The following GPHN variants were observed in gnomAD, a reference collection of about 807,000 sequenced individuals.
The protein encoded by GPHN is gephyrin.
In GPHN, 17 loss-of-function variants were observed where a neutral mutation model predicts 95.5. That is an observed-to-expected ratio of 0.18 (90% CI 0.12 to 0.27). GPHN has a LOEUF of 0.27. GPHN is among the 10% of genes least tolerant of loss of function. GPHN has a pLI of 1.00. For synonymous variants in GPHN, 320 were observed against 322.5 expected (o/e 0.99, Z 0.08); for missense variants, 660 against 978.1 (o/e 0.67, Z 4.34).
chr14:67,156,657 T>G (rs936960071), intron 18 of GPHN, among the ~76,000 whole-genome samples: 17 of 151,806 alleles, frequency 1.1e-4, no homozygotes, highest in African/African-American at 4.1e-4. Flanking sequence ...ACAGTGATAG[T>G]TTTAAACCCA....
chr14:67,595,922 C>T, the GPHN span, among the ~76,000 whole-genome samples: 1 of 152,162 alleles, frequency 6.6e-6, no homozygotes, highest in Non-Finnish European at 1.5e-5. Flanking sequence ...ATAAAAGGTC[C>T]TTATCTCTTA....
the GPHN span, among the ~76,000 whole-genome samples, chr14:67,475,482 G>T: frequency 2.0e-4 from 30 of 152,210 alleles, 1 homozygote; most frequent in Middle Eastern, 3.4e-3. Flanking sequence ...TTCCACAGTG[G>T]CCACACCATT....
intron 10 of GPHN, among the ~76,000 whole-genome samples, chr14:67,057,409 G>GC (rs1004135175): frequency 8.8e-5 from 13 of 147,336 alleles, no homozygotes; most frequent in African/African-American, 2.9e-4. Context: ...TGGGCACATG[G>GC]GTGGGGGGGG....
chr14:67,298,462 C>T, the GPHN span, among the ~76,000 whole-genome samples: 2 of 151,206 alleles, frequency 1.3e-5, no homozygotes, highest in African/African-American at 4.9e-5. Flanking sequence ...TTGCAGTGAG[C>T]CAAGATCATG....
At chr14:67,456,648 C>T in the GPHN span, among the ~76,000 whole-genome samples, 2 of 151,668 alleles carry the variant, frequency 1.3e-5, no homozygotes, top group South Asian at 2.1e-4. Context: ...TGCAAGGCTG[C>T]GGGAAGAGGA....
At chr14:66,783,480 C>A (rs546643991) in intron 3 of GPHN, among the ~76,000 whole-genome samples, 1 of 152,252 alleles carries the variant, frequency 6.6e-6, no homozygotes, top group South Asian at 2.1e-4. Flanking sequence ...AGCCTCCATC[C>A]CCATTCAGTA....
intron 8 of GPHN, among the ~76,000 whole-genome samples, chr14:66,946,379 A>G (rs2153576138): frequency 6.6e-6 from 1 of 152,288 alleles, no homozygotes; most frequent in African/African-American, 2.4e-5. Flanking sequence ...ATCAAAATTA[A>G]GTGAACTTTG....
At chr14:66,869,053 G>A (rs1039190577) in intron 4 of GPHN, among the ~76,000 whole-genome samples, 1 of 152,162 alleles carries the variant, frequency 6.6e-6, no homozygotes, top group African/African-American at 2.4e-5. Context: ...CAGAAATACT[G>A]ATACCTGAAG....
At chr14:66,534,213 C>G (rs560612682) in intron 1 of GPHN, among the ~76,000 whole-genome samples, 1 of 152,208 alleles carries the variant, frequency 6.6e-6, no homozygotes, top group African/African-American at 2.4e-5. Context: ...CAAACTCTTA[C>G]AATTAACACT....
chr14:67,411,920 A>G, the GPHN span: 2 of 1,144,166 alleles, frequency 1.7e-6, no homozygotes, highest in Non-Finnish European at 2.5e-6. Context: ...TGGGAACCAG[A>G]GCATGCCCGT....
intron 1 of GPHN, among the ~76,000 whole-genome samples, chr14:66,519,682 G>A (rs886870025): frequency 1.3e-5 from 2 of 151,960 alleles, no homozygotes; most frequent in Non-Finnish European, 2.9e-5. Context: ...TGTGATTCTT[G>A]CTCATACATA....
the GPHN span, chr14:67,573,985 T>G: frequency 1.1e-6 from 1 of 882,220 alleles, no homozygotes; most frequent in African/African-American, 1.7e-5. The surrounding 1 kb of genome is among the most constrained non-coding windows in gnomAD (Gnocchi z 4.8). Context: ...TGAGCATGAA[T>G]GAAAGACTTC....
the GPHN span, chr14:67,279,241 C>A: frequency 6.2e-7 from 1 of 1,613,302 alleles, no homozygotes; most frequent in Non-Finnish European, 8.5e-7. Context: ...GTTGATCTTG[C>A]ATCACCAGAG....
At chr14:66,635,516 G>A (rs985826500) in intron 1 of GPHN, among the ~76,000 whole-genome samples, 2 of 152,090 alleles carry the variant, frequency 1.3e-5, no homozygotes, top group African/African-American at 4.8e-5. Flanking sequence ...AGATTTAAGT[G>A]ATGAGTTTAT....
At chr14:66,866,523 T>A (rs939668596) in intron 4 of GPHN, among the ~76,000 whole-genome samples, 1 of 152,168 alleles carries the variant, frequency 6.6e-6, no homozygotes, top group Non-Finnish European at 1.5e-5. Flanking sequence ...ATTATCAGAT[T>A]AATGTTTAGA....
chr14:66,991,620 CAA>C (rs11429395), intron 9 of GPHN, among the ~76,000 whole-genome samples: 12 of 132,604 alleles, frequency 9.0e-5, no homozygotes, highest in Admixed American at 7.5e-5. Context: ...TCCAATATAG[CAA>C]AAAAAAAAAA....
the GPHN span, among the ~76,000 whole-genome samples, chr14:67,305,119 C>A: frequency 1.3e-5 from 2 of 152,128 alleles, no homozygotes; most frequent in African/African-American, 2.4e-5. Flanking sequence ...GTGCTGTTCC[C>A]TGTATCTCTT....
the GPHN span, among the ~76,000 whole-genome samples, chr14:67,702,125 A>G: frequency 2.0e-5 from 3 of 151,694 alleles, no homozygotes; most frequent in Non-Finnish European, 4.4e-5. Context: ...CTTTTTTAAA[A>G]ATTTAATATA....
intron 1 of GPHN, among the ~76,000 whole-genome samples, chr14:66,554,367 TA>T (rs779466458): frequency 1.1e-3 from 168 of 152,324 alleles, no homozygotes; most frequent in Non-Finnish European, 1.9e-3. Flanking sequence ...CTCACACTGC[TA>T]TAAAGGATAC....
Sources: gnomAD v4.1 joint callset for allele counts (sites outside exome capture counted in the v4.1 genomes callset) on GRCh38, gnomAD v4.1.1 for gene constraint, Gnocchi (gnomAD v3.1) non-coding constraint, MANE v1.5 for transcripts, NCBI Gene and HGNC (gene_info 2026-07-23, HGNC 2026-07-21) for gene names.